Variants in PREX1 observed in about 807,000 individuals in gnomAD.
PREX1 encodes the protein phosphatidylinositol-3,4,5-trisphosphate dependent Rac exchange factor 1, also known as phosphatidylinositol 3,4,5-trisphosphate-dependent Rac exchanger 1 protein.
PREX1 carries 41 observed loss-of-function variants against 198.3 expected under a neutral mutation model. That is an observed-to-expected ratio of 0.21 (90% CI 0.16 to 0.27). PREX1 has a LOEUF of 0.27. Among genes scored for constraint, PREX1 ranks in the 10% least tolerant of loss-of-function variants. The pLI, the probability that PREX1 is intolerant of heterozygous loss-of-function variation, is 1.00. For synonymous variants in PREX1, 843 were observed against 887.2 expected (o/e 0.95, Z 0.89); for missense variants, 1,620 against 2,200.7 (o/e 0.74, Z 5.28).
At chr20:48,775,318 G>A in intron 1 of PREX1, among the ~76,000 whole-genome samples, 1 of 151,992 alleles carries the variant, frequency 6.6e-6, no homozygotes, top group East Asian at 1.9e-4. Flanking sequence ...GAAAGGGAGA[G>A]ATAAAGCAAG....
intron 31 of PREX1, among the ~76,000 whole-genome samples, chr20:48,637,141 T>C (rs777998177): frequency 1.6e-4 from 24 of 152,254 alleles, no homozygotes; most frequent in Non-Finnish European, 3.4e-4. Context: ...CCCCCACCTC[T>C]GCCCTTGCCC....
the PREX1 span, among the ~76,000 whole-genome samples, chr20:48,882,769 C>G: frequency 7.2e-5 from 11 of 151,874 alleles, no homozygotes. Context: ...TTTATTTTAT[C>G]CTCACTAGTG....
At chr20:48,713,410 C>A (rs903513804) in intron 5 of PREX1, among the ~76,000 whole-genome samples, 1 of 152,130 alleles carries the variant, frequency 6.6e-6, no homozygotes, top group Non-Finnish European at 1.5e-5. Context: ...CAAGATTAAG[C>A]CCCTGCACTC....
intron 5 of PREX1, among the ~76,000 whole-genome samples, chr20:48,723,803 G>A (rs557853485): frequency 6.6e-6 from 1 of 152,248 alleles, no homozygotes; most frequent in African/African-American, 2.4e-5. Context: ...ATGGGAACAG[G>A]CCTCAGAAAT....
chr20:48,792,236 G>A (rs2090341940), intron 1 of PREX1, among the ~76,000 whole-genome samples: 1 of 152,190 alleles, frequency 6.6e-6, no homozygotes, highest in Non-Finnish European at 1.5e-5. Context: ...AGCACTTTGG[G>A]AGGCCAGGTG....
rs759647995 is a variant in PREX1 at position 48,679,416 on chromosome 20, G to A, written c.1540-7C>T. On this transcript the variant is annotated splice_polypyrimidine_tract_variant and splice_region_variant and intron_variant, in intron 12 of 39. Coordinates refer to ENST00000371941, the MANE Select transcript of PREX1 (RefSeq NM_020820.4). ...GGCAGTAAAGCCTCACACCCTGAAA[G>A]AAAAAAGGGGAGGAATTCTGGGATC... 3.7e-6 allele frequency: 6 copies of A among 1,611,004 alleles called. No individual in the cohort carries two copies. The South Asian group carries it at 5.5e-5, about 15-fold the overall frequency.
chr20:48,845,907 A>G, the PREX1 span, among the ~76,000 whole-genome samples: 101 of 152,204 alleles, frequency 6.6e-4, 2 homozygotes, highest in South Asian at 0.015. Context: ...GAATTTAAAC[A>G]AGGATGTAAC....
the PREX1 span, among the ~76,000 whole-genome samples, chr20:48,842,919 G>A: frequency 6.6e-6 from 1 of 152,064 alleles, no homozygotes; most frequent in Non-Finnish European, 1.5e-5. Flanking sequence ...ATAAACAAGG[G>A]TTTTTCATCT....
At chr20:48,758,760 A>G (rs1007784499) in intron 1 of PREX1, among the ~76,000 whole-genome samples, 1 of 152,196 alleles carries the variant, frequency 6.6e-6, no homozygotes, top group Non-Finnish European at 1.5e-5. Flanking sequence ...GGCAGGGTCA[A>G]CAGCTGGGGC....
At position 48,654,408 on chromosome 20, in the gene PREX1, T is replaced by C. The variant is rs564637406; in HGVS notation, c.2209+882A>G. ...ATTTCTCACCAAGGCACTGCTGACA[T>C]TTTGGGCCAGATAATTCTGTGTGGT... On this transcript the variant is annotated intron_variant, in intron 19 of 39. Transcript: ENST00000371941. Among the ~76,000 whole-genome samples the C allele has an allele frequency of 1.9e-3, 282 of 152,288 alleles. 3 individuals carry two copies. The highest frequency in any genetic ancestry group is 6.6e-3 in the African/African-American group (276 of 41,558).
chr20:48,787,646 A>T (rs912252855), intron 1 of PREX1, among the ~76,000 whole-genome samples: 2 of 151,902 alleles, frequency 1.3e-5, no homozygotes, highest in Non-Finnish European at 2.9e-5. Context: ...AAAACAAAAC[A>T]AAACAAAAAA....
chr20:48,885,824 G>C, the PREX1 span, among the ~76,000 whole-genome samples: 2 of 152,150 alleles, frequency 1.3e-5, no homozygotes, highest in African/African-American at 2.4e-5. Context: ...GCTACATCCT[G>C]TCTGATTTCA....
At chr20:48,830,066 A>C (rs144471930), upstream of PREX1, among the ~76,000 whole-genome samples, 130 of 152,288 alleles carry the variant, frequency 8.5e-4, no homozygotes, top group African/African-American at 3.1e-3. Flanking sequence ...CAATCTGAGA[A>C]TCAAAAATGT....
At chr20:48,859,989 G>C in the PREX1 span, among the ~76,000 whole-genome samples, 2 of 152,178 alleles carry the variant, frequency 1.3e-5, no homozygotes, top group African/African-American at 2.4e-5. Flanking sequence ...CTGCACTCCA[G>C]CCTGGGCAAC....
chr20:48,657,409 A>T (rs1385189297), intron 17 of PREX1, among the ~76,000 whole-genome samples: 1 of 152,222 alleles, frequency 6.6e-6, no homozygotes, highest in Non-Finnish European at 1.5e-5. Flanking sequence ...CAGCTGGGAA[A>T]GGTATTCCTC....
chr20:48,724,013 A>G lies in PREX1; in HGVS notation c.621+2277T>C, dbSNP rs1216724481. On this transcript the variant is annotated intron_variant, in intron 5 of 39. Transcript: ENST00000371941. Reference sequence around the variant, plus strand: ...TGGGTCAGATGTTCAAGGTTTTGAAACGCAGAGAAGAAGGACACTGGCCTC... The same window carrying G: ...TGGGTCAGATGTTCAAGGTTTTGAAGCGCAGAGAAGAAGGACACTGGCCTC... Among the ~76,000 whole-genome samples, 3 of 152,210 alleles carry G rather than the reference A, an allele frequency of 2.0e-5. No individual in the cohort carries two copies. The East Asian group carries it at 5.8e-4, about 29-fold the overall frequency.
chr20:48,690,716 G>A (rs528325314), intron 9 of PREX1, among the ~76,000 whole-genome samples: 4 of 152,288 alleles, frequency 2.6e-5, no homozygotes, highest in Admixed American at 2.6e-4. Flanking sequence ...AGACCTTCGG[G>A]CAAGACCCTT....
At chr20:48,679,826 G>T in intron 11 of PREX1, 72 bp from the exon 12 acceptor site, 2 of 1,215,378 alleles carry the variant, frequency 1.6e-6, no homozygotes, top group South Asian at 1.2e-5. Context: ...CCCCAGCATT[G>T]GCCTTCACTG....
At chr20:48,780,450 C>T (rs997983793) in intron 1 of PREX1, among the ~76,000 whole-genome samples, 1 of 151,950 alleles carries the variant, frequency 6.6e-6, no homozygotes, top group Admixed American at 6.6e-5. Flanking sequence ...AGACCCATCT[C>T]TACCATCTCT....
Sources: allele counts gnomAD v4.1 joint callset (sites outside exome capture counted in the v4.1 genomes callset), GRCh38; gene constraint gnomAD v4.1.1; transcripts MANE v1.5; gene names NCBI Gene and HGNC (gene_info 2026-07-23, HGNC 2026-07-21).